The following PKIG variants were observed in gnomAD, a reference collection of about 807,000 sequenced individuals.
PKIG encodes the protein protein kinase (cAMP-dependent, catalytic) inhibitor gamma.
PKIG carries 1 observed loss-of-function variant against 6.8 expected under a neutral mutation model. The observed-to-expected ratio is 0.15, with a 90% CI of 0.05 to 0.69. The LOEUF (loss-of-function observed/expected upper bound fraction) is 0.69, where lower values mean the gene tolerates loss of function less well. Among genes scored for constraint, PKIG ranks in the 30% least tolerant of loss-of-function variants. The pLI is 0.82. For synonymous variants in PKIG, 39 were observed against 43.0 expected (o/e 0.91, Z 0.36); for missense variants, 77 against 104.0 (o/e 0.74, Z 1.13).
chr20:44,615,589 C>T (rs2065257395), intron 3 of PKIG, among the ~76,000 whole-genome samples: 1 of 152,044 alleles, frequency 6.6e-6, no homozygotes. Flanking sequence ...GGAAGCTTCC[C>T]TGACCCCTGC....
At chr20:44,566,627 C>G (rs975395729) in intron 1 of PKIG, among the ~76,000 whole-genome samples, 3 of 152,184 alleles carry the variant, frequency 2.0e-5, no homozygotes, top group African/African-American at 7.2e-5. Context: ...AGGCAGATCA[C>G]TTAAGGCCAG....
chr20:44,612,131 C>T (rs1277405015), intron 2 of PKIG, among the ~76,000 whole-genome samples: 1 of 152,052 alleles, frequency 6.6e-6, no homozygotes, highest in Non-Finnish European at 1.5e-5. Context: ...GGATATATAC[C>T]TAGTAGTGGG....
chr20:44,551,005 A>G (rs1382940045), intron 1 of PKIG, among the ~76,000 whole-genome samples: 7 of 152,192 alleles, frequency 4.6e-5, no homozygotes, highest in East Asian at 3.8e-4. Context: ...TTGCTGAACT[A>G]TTTGAAAATA....
At chr20:44,590,923 C>T (rs1465799248) in intron 2 of PKIG, among the ~76,000 whole-genome samples, 3 of 152,204 alleles carry the variant, frequency 2.0e-5, no homozygotes, top group Admixed American at 1.3e-4. Flanking sequence ...TGGTGCAGCT[C>T]AGTTTAGACT....
intron 2 of PKIG, among the ~76,000 whole-genome samples, chr20:44,609,742 C>T (rs1417321099): frequency 6.6e-6 from 1 of 152,148 alleles, no homozygotes; most frequent in Non-Finnish European, 1.5e-5. Context: ...GCCGAGGACT[C>T]GGAGGCTCCG....
chr20:44,550,726 C>G (rs1237335984), intron 1 of PKIG, among the ~76,000 whole-genome samples: 1 of 152,100 alleles, frequency 6.6e-6, no homozygotes, highest in Non-Finnish European at 1.5e-5. Context: ...CTATTATTAT[C>G]CTTATGTTAC....
At position 44,617,989 on chromosome 20, in the gene PKIG, C is replaced by G. The variant is rs190852450; in HGVS notation, c.152-296C>G. Reference sequence around the variant, plus strand: ...CATCTGGCCTCTCCCTCTGGGGAACCTGCACAAACAAAGCAACCTTCAAGA... The same window carrying G: ...CATCTGGCCTCTCCCTCTGGGGAACGTGCACAAACAAAGCAACCTTCAAGA... On this transcript the variant is annotated intron_variant, in intron 3 of 3. Coordinates refer to ENST00000372886, the MANE Select transcript of PKIG (RefSeq NM_001281445.2). 3.6e-3 allele frequency among the ~76,000 whole-genome samples: 541 copies of G among 151,930 alleles called. 4 individuals carry two copies. The highest frequency in any genetic ancestry group is 5.6e-3 in the Non-Finnish European group (380 of 67,768).
chr20:44,545,762 C>G (rs2064608033), intron 1 of PKIG, among the ~76,000 whole-genome samples: 1 of 152,130 alleles, frequency 6.6e-6, no homozygotes, highest in Non-Finnish European at 1.5e-5. Flanking sequence ...TTACAGTGAA[C>G]TATCATCACG....
In PKIG at chr20:44,537,265, C is replaced by T. The variant is rs141811896; in HGVS notation, c.-241+5287C>T. Reference sequence around the variant, plus strand: ...GATTACAGGCACGCGCCACCACGCCCGGCTAATTTTGTATTTTTAGTAGAG... The same window carrying T: ...GATTACAGGCACGCGCCACCACGCCTGGCTAATTTTGTATTTTTAGTAGAG... On this transcript the variant is annotated intron_variant, in intron 1 of 4. Transcript: ENST00000372887. Among the ~76,000 whole-genome samples, 35 of 151,876 alleles carry T rather than the reference C, an allele frequency of 2.3e-4. No homozygotes were observed. In the East Asian group the frequency reaches 3.7e-3, roughly 16 times the overall value.
intron 1 of PKIG, among the ~76,000 whole-genome samples, chr20:44,539,842 A>G (rs754421816): frequency 5.3e-5 from 8 of 152,196 alleles, no homozygotes; most frequent in Non-Finnish European, 8.8e-5. Context: ...TTCTTAATCT[A>G]TAGCCATTTC....
At chr20:44,573,835 C>G (rs1285412890) in intron 1 of PKIG, among the ~76,000 whole-genome samples, 1 of 152,196 alleles carries the variant, frequency 6.6e-6, no homozygotes, top group African/African-American at 2.4e-5. Context: ...TATATTCACT[C>G]TGGGTGATTT....
In PKIG at chr20:44,607,716, ACT is replaced by A. The variant is rs1186069344; in HGVS notation, c.-23-6815_-23-6814del. 8.9e-5 allele frequency among the ~76,000 whole-genome samples: 9 copies of A among 100,574 alleles called. No homozygotes were observed. In the South Asian group the frequency reaches 9.4e-4, roughly 10 times the overall value. The allele number at this position is 100,574 out of a possible 152,430, so 66.0% of individuals were successfully genotyped here. A position where few individuals can be genotyped will look rare whatever the true frequency, so the allele number is the denominator to read the frequency against. ...TTTTTTTTTTTTGAGACGGAGTCTCACTCTGTCACCCAGGCTGGAGTGCAGTG... is the reference window on the plus strand; with the variant it reads ...TTTTTTTTTTTTGAGACGGAGTCTCACTGTCACCCAGGCTGGAGTGCAGTG... On this transcript the variant is annotated intron_variant, in intron 2 of 3. Transcript: ENST00000372886.
chr20:44,536,582 C>T (rs530130596), intron 1 of PKIG, among the ~76,000 whole-genome samples: 1 of 152,192 alleles, frequency 6.6e-6, no homozygotes, highest in South Asian at 2.1e-4. Context: ...GGGCATCAGT[C>T]CTGGTGGGGC....
intron 1 of PKIG, among the ~76,000 whole-genome samples, chr20:44,586,123 C>T (rs899869767): frequency 5.3e-5 from 8 of 152,142 alleles, no homozygotes; most frequent in African/African-American, 1.9e-4. Context: ...GCTGGGAGAT[C>T]CTGGACTGAT....
At chr20:44,576,615 C>T (rs1210344558) in intron 1 of PKIG, among the ~76,000 whole-genome samples, 4 of 152,142 alleles carry the variant, frequency 2.6e-5, no homozygotes, top group Non-Finnish European at 5.9e-5. Flanking sequence ...GGCTGTACTA[C>T]CTCAGGATAG....
At chr20:44,616,237 G>A (rs867679497) in intron 3 of PKIG, among the ~76,000 whole-genome samples, 3 of 152,074 alleles carry the variant, frequency 2.0e-5, no homozygotes, top group African/African-American at 4.8e-5. Context: ...CTCCCAGACC[G>A]GGGAGGCACC....
intron 1 of PKIG, among the ~76,000 whole-genome samples, chr20:44,554,290 T>G (rs767080166): frequency 1.3e-5 from 2 of 151,516 alleles, no homozygotes; most frequent in Non-Finnish European, 1.5e-5. Context: ...ACCATGTTGG[T>G]CAGGCTGGTC....
upstream of PKIG, among the ~76,000 whole-genome samples, chr20:44,580,838 A>G (rs1469983137): frequency 6.6e-6 from 1 of 152,128 alleles, no homozygotes; most frequent in East Asian, 1.9e-4. Context: ...TTCCTTACCT[A>G]TAGAGAGCCG....
chr20:44,613,157 A>C (rs555756090), intron 2 of PKIG, among the ~76,000 whole-genome samples: 1 of 152,232 alleles, frequency 6.6e-6, no homozygotes, highest in East Asian at 1.9e-4. Context: ...TGTAGTAAGA[A>C]CTACTAATTT....
Sources: gnomAD v4.1 joint callset for allele counts (sites outside exome capture counted in the v4.1 genomes callset) on GRCh38, gnomAD v4.1.1 for gene constraint, MANE v1.5 for transcripts, NCBI Gene and HGNC (gene_info 2026-07-23, HGNC 2026-07-21) for gene names.